DNAH7: variants seen among roughly 807,000 people sequenced by gnomAD.
DNAH7 encodes axonemal beta dynein heavy chain 7.
In DNAH7, 397 loss-of-function variants were observed where a neutral mutation model predicts 444.6. The ratio of observed to expected loss-of-function variants is 0.89; its 90% CI spans 0.82 to 0.97. DNAH7 has a LOEUF of 0.97. Ranked by LOEUF, DNAH7 falls within the 50% of genes least tolerant of loss-of-function variation. The pLI is 0.00. For missense variants in DNAH7, 4,902 were observed against 4,800.8 expected, an observed-to-expected ratio of 1.02 and a Z score of -0.62; for synonymous variants, 1,636 against 1,624.4, an observed-to-expected ratio of 1.01 and a Z score of -0.17.
chr2:196,055,924 G>A (rs1029697113), intron 2 of DNAH7, among the ~76,000 whole-genome samples: 1 of 152,230 alleles, frequency 6.6e-6, no homozygotes, highest in African/African-American at 2.4e-5. Context: ...CACTCTAGGT[G>A]AAGAAGGGTG....
chr2:195,763,558 A>C (rs1187409451), intron 61 of DNAH7, among the ~76,000 whole-genome samples: 2 of 152,088 alleles, frequency 1.3e-5, no homozygotes, highest in Admixed American at 6.6e-5. Flanking sequence ...AATAGATGGC[A>C]CATAAATTCA....
At chr2:195,949,266 T>C (rs1690047190) in intron 19 of DNAH7, among the ~76,000 whole-genome samples, 1 of 152,154 alleles carries the variant, frequency 6.6e-6, no homozygotes, top group Non-Finnish European at 1.5e-5. Flanking sequence ...CTCTTCCTTT[T>C]TGAATACCAC....
intron 35 of DNAH7, among the ~76,000 whole-genome samples, chr2:195,883,453 C>CA: frequency 7.4e-6 from 1 of 135,316 alleles, no homozygotes; most frequent in African/African-American, 3.2e-5. Flanking sequence ...GTCCCCGCTC[C>CA]CCCCCCCCAA....
In DNAH7 at chr2:195,872,486, A is replaced by C; in HGVS notation, c.6414-17T>G. On this transcript the variant is annotated splice_polypyrimidine_tract_variant and intron_variant, in intron 39 of 64. Transcript: ENST00000312428. ...AATTTATAACTTAAAAATTTTTTAA[A>C]TAAAAAGAAAGGAAAATGTTAGCAA... 5 of 1,525,074 alleles carry C rather than the reference A, an allele frequency of 3.3e-6. No individual in the cohort carries two copies. The highest frequency in any genetic ancestry group is 3.6e-6 in the Non-Finnish European group (4 of 1,121,112). The allele number at this position is 1,525,074 out of a possible 1,614,324, so 94.5% of individuals were successfully genotyped here.
intron 36 of DNAH7, among the ~76,000 whole-genome samples, chr2:195,879,506 T>C (rs1288803445): frequency 6.6e-6 from 1 of 152,150 alleles, no homozygotes; most frequent in Non-Finnish European, 1.5e-5. Flanking sequence ...TTAAAAATTA[T>C]ATAAACAAAA....
At chr2:196,046,252 G>C (rs950937449) in intron 5 of DNAH7, among the ~76,000 whole-genome samples, 2 of 152,174 alleles carry the variant, frequency 1.3e-5, no homozygotes, top group Non-Finnish European at 2.9e-5. Context: ...GGATTTTCAT[G>C]CCCATATGGG....
intron 48 of DNAH7, among the ~76,000 whole-genome samples, chr2:195,825,806 TG>T (rs1159741732): frequency 6.6e-6 from 1 of 152,144 alleles, no homozygotes; most frequent in East Asian, 1.9e-4. Flanking sequence ...CTCAGGGTGC[TG>T]GGGTGACAGG....
chr2:195,755,670 T>A (rs10204401), intron 62 of DNAH7, among the ~76,000 whole-genome samples: 1,534 of 152,336 alleles, frequency 0.01, 25 homozygotes, highest in African/African-American at 0.035. Flanking sequence ...GAGTTGTTAA[T>A]AAGAACATAG....
Position 195,982,363 on chromosome 2 carries a change from C to T in DNAH7, c.1833+2269G>A, listed in dbSNP as rs573085382. 7.9e-5 allele frequency among the ~76,000 whole-genome samples: 12 copies of T among 152,232 alleles called. No homozygotes were observed. The South Asian group carries it at 1.2e-3, about 16-fold the overall frequency. On this transcript the variant is annotated intron_variant, in intron 15 of 64. Coordinates refer to ENST00000312428, the MANE Select transcript of DNAH7 (RefSeq NM_018897.3). The stretch of plus-strand genomic sequence containing the variant: ...GCTGAGAATGCAGAGAAAAGGGAAC[C>T]CTCTTACACTGGTGGTGGGAATGTA...
rs1372871240 is a variant in DNAH7 at position 195,737,756 on chromosome 2, A to ATGAG, written c.*161_*164dup. The ATGAG allele has an allele frequency of 3.3e-6, 2 of 602,646 alleles. No individual in the cohort carries two copies. Among genetic ancestry groups the ATGAG allele is most frequent in the Non-Finnish European group, 5.8e-6 (2 of 346,102 alleles). The allele number at this position is 602,646 out of a possible 1,614,324, so 37.3% of individuals were successfully genotyped here. On this transcript the variant is annotated 3_prime_UTR_variant, in exon 65 of 65. Transcript: ENST00000312428. Reference sequence around the variant, plus strand: ...TCAGAACATTTCCTTACATTTAAGTATGAGTCATATTAAGTTTAGCTGCAT... The same window carrying ATGAG: ...TCAGAACATTTCCTTACATTTAAGTATGAGTGAGTCATATTAAGTTTAGCTGCAT...
chr2:196,020,633 T>C (rs1695322443), intron 8 of DNAH7, among the ~76,000 whole-genome samples: 2 of 146,264 alleles, frequency 1.4e-5, no homozygotes, highest in South Asian at 4.3e-4. Flanking sequence ...TTTTTTGAGA[T>C]GGAGTCTCAC....
In DNAH7 at chr2:195,737,987, G is replaced by C. The variant is rs757046314; in HGVS notation, c.12009C>G (p.Pro4003=). Residue 4003 remains proline, a synonymous_variant, in exon 65 of 65, where the codon CCC becomes CCG. Coordinates refer to ENST00000312428, the MANE Select transcript of DNAH7 (RefSeq NM_018897.3). ...STNFVIAMTL[P]SDQPKEHWIG... ...TCCAGTGTTCCTTGGGTTGGTCAGA[G>C]GGAAGAGTCATGGCAATCACAAAAT... The C allele has an allele frequency of 3.1e-6, 5 of 1,613,992 alleles. No homozygotes were observed. The highest frequency in any genetic ancestry group is 1.3e-5 in the African/African-American group (1 of 74,946).
At chr2:195,843,359 G>T (rs1698800133) in intron 47 of DNAH7, among the ~76,000 whole-genome samples, 1 of 152,104 alleles carries the variant, frequency 6.6e-6, no homozygotes, top group Non-Finnish European at 1.5e-5. Flanking sequence ...GATTAATTTA[G>T]ATTATTGGAT....
At chr2:195,980,824 A>C (rs969698126) in intron 15 of DNAH7, among the ~76,000 whole-genome samples, 23 of 151,988 alleles carry the variant, frequency 1.5e-4, no homozygotes, top group East Asian at 5.8e-4. Flanking sequence ...ATAAAAAAAA[A>C]AACCCTCAAA....
rs544871536 is a variant in DNAH7 at position 195,928,983 on chromosome 2, C to G, written c.3472-2417G>C. Among the ~76,000 whole-genome samples the G allele has an allele frequency of 7.5e-4, 114 of 152,168 alleles. 2 individuals carry two copies. In the South Asian group the frequency reaches 9.3e-3, roughly 12 times the overall value. On this transcript the variant is annotated intron_variant, in intron 21 of 64. Transcript: ENST00000312428. ...CTACACCTAGAAAACCTCAAAGACC[C>G]CACCAAAAGACTCCTGGAGCTGATA...
chr2:195,872,259 C>A lies in DNAH7; in HGVS notation c.6624G>T (p.Trp2208Cys). ...TAACAGGAAAATTTACCTCATGAAC[C>A]CAAAGACGTTTAATCACTTCTGTGG... ...TETTEVIKRL[W>C]VHEVLRVYYD... Residue 2208 changes from tryptophan to cysteine, a missense_variant, in exon 40 of 65, where the codon TGG (tryptophan) becomes TGT (cysteine). By Grantham distance (215) the Trp-to-Cys change is radical. Coordinates refer to ENST00000312428, the MANE Select transcript of DNAH7 (RefSeq NM_018897.3). 1 of 1,611,586 alleles carries A rather than the reference C, an allele frequency of 6.2e-7. No homozygotes were observed. Among genetic ancestry groups the A allele is most frequent in the South Asian group, 1.1e-5 (1 of 90,584 alleles).
Position 195,888,684 on chromosome 2 carries a change from C to A in DNAH7, c.5229+115G>T, listed in dbSNP as rs150418102. Reference sequence around the variant, plus strand: ...CGTCTGTACTTTGAGAATCACAGATCGCTCTTAAAAGAAATTCTGCTAATA... The same window carrying A: ...CGTCTGTACTTTGAGAATCACAGATAGCTCTTAAAAGAAATTCTGCTAATA... On this transcript the variant is annotated intron_variant, in intron 32 of 64. Transcript: ENST00000312428. 3.4e-4 allele frequency: 379 copies of A among 1,113,392 alleles called. 1 individual carries two copies. In the African/African-American group the frequency reaches 4.9e-3, roughly 14 times the overall value. The allele number at this position is 1,113,392 out of a possible 1,614,324, so 69.0% of individuals were successfully genotyped here.
chr2:195,923,693 C>A lies in DNAH7; in HGVS notation c.3727G>T (p.Asp1243Tyr), dbSNP rs536373128. ...RVTLGALVVL[D>Y]VHARDVLSSL... ...GAGAGGACATCTCTAGCATGGACAT[C>A]CAGTACCACAAGTGCTCCCAGAGTT... The change falls in exon 23 of 65, where the codon GAT becomes TAT. Residue 1243 changes from aspartate to tyrosine, a missense_variant. Coordinates refer to ENST00000312428, the MANE Select transcript of DNAH7 (RefSeq NM_018897.3). 4 of 1,614,092 alleles carry A rather than the reference C, an allele frequency of 2.5e-6. No homozygotes were observed. The highest frequency in any genetic ancestry group is 4.5e-5 in the East Asian group (2 of 44,854).
At chr2:195,969,376 TTTC>T (rs1409736929) in intron 17 of DNAH7, among the ~76,000 whole-genome samples, 1 of 152,236 alleles carries the variant, frequency 6.6e-6, no homozygotes, top group Non-Finnish European at 1.5e-5. Context: ...AATCATATGT[TTTC>T]ATTCTCCTTT....
Sources: allele counts gnomAD v4.1 joint callset (sites outside exome capture counted in the v4.1 genomes callset), GRCh38; gene constraint gnomAD v4.1.1; transcripts MANE v1.5; gene names NCBI Gene and HGNC (gene_info 2026-07-23, HGNC 2026-07-21).